Variants in ARHGAP42 observed in about 807,000 individuals in gnomAD.
ARHGAP42 encodes the protein Rho GTPase activating protein 42.
A neutral mutation model predicts 125.0 loss-of-function variants in ARHGAP42; 63 were observed. That is an observed-to-expected ratio of 0.50 (90% CI 0.41 to 0.62). ARHGAP42 has a LOEUF of 0.62. Ranked by LOEUF, ARHGAP42 falls within the 20% of genes least tolerant of loss-of-function variation. The pLI is 0.00. For missense variants in ARHGAP42, 766 were observed against 1,024.2 expected (o/e 0.75, Z 3.44); for synonymous variants, 339 against 351.0 (o/e 0.97, Z 0.38).
At chr11:100,708,528 C>G (rs1861513007) in intron 1 of ARHGAP42, among the ~76,000 whole-genome samples, 1 of 151,698 alleles carries the variant, frequency 6.6e-6, no homozygotes, top group Admixed American at 6.6e-5. Flanking sequence ...CAAAACAAAA[C>G]AAAAAACAAA....
intron 4 of ARHGAP42, among the ~76,000 whole-genome samples, chr11:100,882,730 A>G (rs556040042): frequency 4.0e-4 from 60 of 151,770 alleles, no homozygotes; most frequent in African/African-American, 1.3e-3. Context: ...CTGGTCCTGG[A>G]CTTTTTTTTG....
chr11:100,691,502 A>C (rs919385392), intron 1 of ARHGAP42, among the ~76,000 whole-genome samples: 6 of 152,158 alleles, frequency 3.9e-5, no homozygotes, highest in African/African-American at 1.4e-4. Context: ...ACAGAATAGA[A>C]ACTTGATAAG....
intron 3 of ARHGAP42, among the ~76,000 whole-genome samples, chr11:100,828,576 G>T (rs1214168741): frequency 1.3e-5 from 2 of 152,082 alleles, no homozygotes; most frequent in African/African-American, 4.8e-5. Context: ...ATGCATCAGG[G>T]TATCAGAGCT....
At chr11:100,697,376 G>T (rs1462603992) in intron 1 of ARHGAP42, among the ~76,000 whole-genome samples, 1 of 152,052 alleles carries the variant, frequency 6.6e-6, no homozygotes, top group Non-Finnish European at 1.5e-5. Context: ...TAGAGACGGG[G>T]TTTCACCGTG....
chr11:100,854,272 G>A (rs1246144126), intron 3 of ARHGAP42, among the ~76,000 whole-genome samples: 1 of 152,070 alleles, frequency 6.6e-6, no homozygotes, highest in Non-Finnish European at 1.5e-5. Flanking sequence ...TATTTCCATA[G>A]GAAAAGTATT....
intron 2 of ARHGAP42, among the ~76,000 whole-genome samples, chr11:100,781,457 A>G (rs1452837613): frequency 1.3e-5 from 2 of 152,180 alleles, no homozygotes; most frequent in African/African-American, 2.4e-5. Flanking sequence ...CTGAAGTCAC[A>G]TGGGTACTAG....
chr11:100,837,473 A>G (rs1267862399), intron 3 of ARHGAP42, among the ~76,000 whole-genome samples: 3 of 152,020 alleles, frequency 2.0e-5, no homozygotes, highest in Admixed American at 2.0e-4. Context: ...TGTAAGTATA[A>G]AAGTTTTATT....
chr11:100,935,155 G>C (rs910911592), intron 7 of ARHGAP42, among the ~76,000 whole-genome samples: 1 of 151,304 alleles, frequency 6.6e-6, no homozygotes. Context: ...TTTAAAATGG[G>C]GAATAAACTC....
At chr11:100,916,035 C>A (rs1867053213) in intron 5 of ARHGAP42, among the ~76,000 whole-genome samples, 1 of 152,180 alleles carries the variant, frequency 6.6e-6, no homozygotes, top group Non-Finnish European at 1.5e-5. Flanking sequence ...GCCTTCCTAC[C>A]TGCACAGCTG....
chr11:100,779,025 T>C (rs1252333091), intron 2 of ARHGAP42, among the ~76,000 whole-genome samples: 2 of 152,182 alleles, frequency 1.3e-5, no homozygotes, highest in Non-Finnish European at 2.9e-5. Context: ...CGTAGTACTT[T>C]AGAGCTTTAT....
At chr11:100,758,309 A>G (rs1001834042) in intron 1 of ARHGAP42, among the ~76,000 whole-genome samples, 26 of 152,240 alleles carry the variant, frequency 1.7e-4, no homozygotes, top group Middle Eastern at 3.2e-3. Context: ...TGGAATGCAG[A>G]TATCTATTAA....
Position 100,942,051 on chromosome 11 carries a change from G to T in ARHGAP42, c.933+167G>T, listed in dbSNP as rs894791225. ...TTTTGTGACGTGAATGACTTGAAAA[G>T]AGTAGCCAGGGTCTTCCTTTAACTT... On this transcript the variant is annotated intron_variant, in intron 9 of 23. Coordinates refer to ENST00000298815, the MANE Select transcript of ARHGAP42 (RefSeq NM_152432.4). 2.0e-5 allele frequency among the ~76,000 whole-genome samples: 3 copies of T among 152,184 alleles called. No homozygotes were observed. In the East Asian group the frequency reaches 5.8e-4, roughly 29 times the overall value.
intron 6 of ARHGAP42, among the ~76,000 whole-genome samples, chr11:100,926,306 G>A (rs1426065121): frequency 6.6e-6 from 1 of 152,192 alleles, no homozygotes. Context: ...CAGAAAGATT[G>A]TTGGTTGCCT....
intron 1 of ARHGAP42, among the ~76,000 whole-genome samples, chr11:100,762,825 C>A (rs928379070): frequency 1.3e-5 from 2 of 152,006 alleles, no homozygotes; most frequent in Non-Finnish European, 2.9e-5. Context: ...AAAAGCAAGG[C>A]GTAGTTGATG....
intron 1 of ARHGAP42, among the ~76,000 whole-genome samples, chr11:100,746,465 G>GCCCA (rs1862308015): frequency 6.6e-6 from 1 of 152,218 alleles, no homozygotes; most frequent in Admixed American, 6.5e-5. Flanking sequence ...TGGGCCTCCG[G>GCCCA]CCCACCGTGC....
chr11:100,984,312 T>A (rs1858619556), intron 22 of ARHGAP42, among the ~76,000 whole-genome samples: 1 of 131,424 alleles, frequency 7.6e-6, no homozygotes, highest in South Asian at 2.7e-4. Flanking sequence ...TGCTGCCTAA[T>A]ACTTCATTAG....
chr11:100,705,998 T>TTTTA (rs1861477210), intron 1 of ARHGAP42, among the ~76,000 whole-genome samples: 2 of 134,596 alleles, frequency 1.5e-5, no homozygotes, highest in African/African-American at 2.8e-5. Flanking sequence ...TTTTTTTTTT[T>TTTTA]GAGATGGAGT....
intron 4 of ARHGAP42, among the ~76,000 whole-genome samples, chr11:100,884,368 G>C (rs542040127): frequency 2.6e-5 from 4 of 152,026 alleles, no homozygotes; most frequent in Non-Finnish European, 5.9e-5. Flanking sequence ...ATTCTTAACT[G>C]TTCCAAAATT....
intron 7 of ARHGAP42, among the ~76,000 whole-genome samples, chr11:100,934,681 A>G (rs1867686007): frequency 1.3e-5 from 2 of 152,326 alleles, no homozygotes; most frequent in Admixed American, 6.5e-5. Context: ...CAAGTACTAT[A>G]TAGCCCAAAT....
Sources: gnomAD v4.1 joint callset for allele counts (sites outside exome capture counted in the v4.1 genomes callset) on GRCh38, gnomAD v4.1.1 for gene constraint, MANE v1.5 for transcripts, NCBI Gene and HGNC (gene_info 2026-07-23, HGNC 2026-07-21) for gene names.